OPA1: variants seen among roughly 807,000 people sequenced by gnomAD.
OPA1 encodes dynamin-like GTPase OPA1, mitochondrial.
Under a neutral mutation model 152.9 loss-of-function variants are expected in OPA1, and 59 were observed. That is an observed-to-expected ratio of 0.39 (90% CI 0.31 to 0.48). The LOEUF is 0.48. OPA1 is among the 20% of genes least tolerant of loss of function. The pLI is 0.96. For missense variants in OPA1, 1,008 were observed against 1,216.8 expected (o/e 0.83, Z 2.55); for synonymous variants, 400 against 389.9 (o/e 1.03, Z -0.31).
At chr3:193,673,702 A>G (rs991164647) in intron 29 of OPA1, among the ~76,000 whole-genome samples, 14 of 152,220 alleles carry the variant, frequency 9.2e-5, no homozygotes, top group African/African-American at 3.4e-4. Flanking sequence ...CTTATTAGAA[A>G]TTACAGTGTA....
chr3:193,594,069 C>G (rs1270781550), intron 1 of OPA1, among the ~76,000 whole-genome samples: 2 of 152,184 alleles, frequency 1.3e-5, no homozygotes, highest in Non-Finnish European at 2.9e-5. Context: ...CCTTTCTAAT[C>G]TCAATCATTG....
At chr3:193,668,920 C>A in intron 29 of OPA1, 1 of 971,112 alleles carries the variant, frequency 1.0e-6, no homozygotes, top group Non-Finnish European at 1.2e-6. Context: ...AATAAAATAC[C>A]TGTAGTTGGT....
At chr3:193,620,488 T>G (rs1729855800) in intron 6 of OPA1, among the ~76,000 whole-genome samples, 1 of 152,254 alleles carries the variant, frequency 6.6e-6, no homozygotes, top group South Asian at 2.1e-4. Context: ...GGAATTAAAT[T>G]TATTACATTA....
At chr3:193,657,465 A>G (rs1714131819) in intron 23 of OPA1, among the ~76,000 whole-genome samples, 1 of 152,208 alleles carries the variant, frequency 6.6e-6, no homozygotes, top group African/African-American at 2.4e-5. Context: ...AAAACTTTGC[A>G]GTAAACAGAC....
chr3:193,649,336 T>C (rs1327246631), intron 21 of OPA1, among the ~76,000 whole-genome samples: 1 of 152,156 alleles, frequency 6.6e-6, no homozygotes. Context: ...TTTTTAAAAA[T>C]AGCAAGTAAA....
At chr3:193,690,996 T>A (rs991692318) in intron 29 of OPA1, among the ~76,000 whole-genome samples, 1 of 152,076 alleles carries the variant, frequency 6.6e-6, no homozygotes, top group African/African-American at 2.4e-5. Context: ...GGAGGATCAC[T>A]TGAGCCCAGG....
intron 20 of OPA1, 148 bp from the exon 21 acceptor site, chr3:193,648,647 A>C (rs1711631462): frequency 3.3e-6 from 2 of 603,942 alleles, no homozygotes; most frequent in Admixed American, 5.6e-5. Context: ...CTAAAAAAAA[A>C]CACTAGAAGT....
At chr3:193,606,574 T>C (rs921987196) in intron 1 of OPA1, among the ~76,000 whole-genome samples, 1 of 152,228 alleles carries the variant, frequency 6.6e-6, no homozygotes, top group Non-Finnish European at 1.5e-5. Flanking sequence ...GCTTCATCCA[T>C]GTCCCTACAA....
chr3:193,617,207 G>A lies in OPA1; in HGVS notation c.478G>A (p.Glu160Lys). 1 of 1,612,254 alleles carries A rather than the reference G, an allele frequency of 6.2e-7. No homozygotes were observed. Among genetic ancestry groups the A allele is most frequent in the Non-Finnish European group, 8.5e-7 (1 of 1,178,490 alleles). ...EKIRKALPSS[E>K]DLVKLAPDFD... ...AATTAGAAAAGCCCTTCCTAGTTCA[G>A]AAGACCTTGTAAAGTTAGCACCAGA... Residue 160 changes from glutamate to lysine, a missense_variant, in exon 4 of 31, where the codon GAA (glutamate) becomes AAA (lysine). Glu to Lys is a moderately conservative substitution (Grantham distance 56, BLOSUM62 1). Around this residue, in one of 7 missense-constraint regions of OPA1, gnomAD observed 408 missense variants for 395.1 expected, o/e 1.03. Coordinates refer to ENST00000361510, the MANE Select transcript of OPA1 (RefSeq NM_130837.3).
intron 26 of OPA1, among the ~76,000 whole-genome samples, chr3:193,663,310 CAT>C (rs1366304019): frequency 6.6e-6 from 1 of 152,030 alleles, no homozygotes; most frequent in Admixed American, 6.6e-5. Context: ...TTAAAAATGG[CAT>C]ATATATGTGT....
At chr3:193,654,753 A>C in intron 21 of OPA1, 109 bp from the exon 22 acceptor site, 1 of 1,212,336 alleles carries the variant, frequency 8.2e-7, no homozygotes, top group South Asian at 1.4e-5. Flanking sequence ...AAACTTATCA[A>C]AATTTTAAAT....
chr3:193,677,800 A>G (rs1719429347), intron 29 of OPA1, among the ~76,000 whole-genome samples: 1 of 152,208 alleles, frequency 6.6e-6, no homozygotes, highest in African/African-American at 2.4e-5. Context: ...TGACGAAGCT[A>G]ATACACGATG....
chr3:193,652,503 T>G (rs1577276747), intron 21 of OPA1, among the ~76,000 whole-genome samples: 1 of 151,570 alleles, frequency 6.6e-6, no homozygotes, highest in African/African-American at 2.4e-5. Flanking sequence ...AGTGTAATGG[T>G]TTTTATATGA....
At chr3:193,619,342 CAACAG>C in intron 6 of OPA1, among the ~76,000 whole-genome samples, 1 of 152,224 alleles carries the variant, frequency 6.6e-6, no homozygotes, top group East Asian at 1.9e-4. Context: ...AATTATTTAT[CAACAG>C]AACCCTTTTG....
In OPA1 at chr3:193,657,205, G is replaced by A; in HGVS notation, c.2304G>A (p.Lys768=). Reference sequence around the variant, plus strand: ...AGGAAGAAAGTATTAAACGACACAAGTGGAATGACTTTGCGGAGGACAGCT... The same window carrying A: ...AGGAAGAAAGTATTAAACGACACAAATGGAATGACTTTGCGGAGGACAGCT... ...AVKEESIKRH[K]WNDFAEDSLR... The change falls in exon 23 of 31, where the codon AAG becomes AAA. Residue 768 remains lysine, a synonymous_variant. Transcript: ENST00000361510. The A allele has an allele frequency of 6.2e-7, 1 of 1,613,964 alleles. No individual in the cohort carries two copies.
At chr3:193,597,447 T>C (rs1725777987) in intron 1 of OPA1, among the ~76,000 whole-genome samples, 1 of 152,030 alleles carries the variant, frequency 6.6e-6, no homozygotes, top group African/African-American at 2.4e-5. Flanking sequence ...TCCCAGCACT[T>C]TGGGAGGCCG....
chr3:193,604,089 A>G (rs1328633377), intron 1 of OPA1, among the ~76,000 whole-genome samples: 1 of 152,202 alleles, frequency 6.6e-6, no homozygotes, highest in African/African-American at 2.4e-5. Flanking sequence ...TCATTTCCTA[A>G]AACCAGATCT....
At chr3:193,677,877 AT>A (rs1355602547) in intron 29 of OPA1, among the ~76,000 whole-genome samples, 1 of 152,206 alleles carries the variant, frequency 6.6e-6, no homozygotes, top group Non-Finnish European at 1.5e-5. Flanking sequence ...GCTGAGGGAC[AT>A]TTCATGGGAC....
At chr3:193,605,088 G>A (rs938135925) in intron 1 of OPA1, among the ~76,000 whole-genome samples, 4 of 152,126 alleles carry the variant, frequency 2.6e-5, no homozygotes, top group South Asian at 2.1e-4. Context: ...ATATGAAGGG[G>A]CTTCAGTAAA....
Sources: gnomAD v4.1 joint callset for allele counts (sites outside exome capture counted in the v4.1 genomes callset) on GRCh38, gnomAD v4.1.1 for gene constraint, gnomAD v4.1.1 regional missense constraint, MANE v1.5 for transcripts, NCBI Gene and HGNC (gene_info 2026-07-23, HGNC 2026-07-21) for gene names.